Variants in FLNB observed in about 807,000 individuals in gnomAD.
FLNB encodes the protein filamin-B.
FLNB carries 111 observed loss-of-function variants against 250.6 expected under a neutral mutation model. That is an observed-to-expected ratio of 0.44 (90% CI 0.38 to 0.52). FLNB has a LOEUF of 0.52. Among genes scored for constraint, FLNB ranks in the 20% least tolerant of loss-of-function variants. The probability of loss-of-function intolerance (pLI) is 0.00; values close to 1 mark genes in which losing one functional copy is unlikely to be tolerated. For synonymous variants in FLNB, 1,302 were observed against 1,372.1 expected, an observed-to-expected ratio of 0.95 and a Z score of 1.13; for missense variants, 2,869 against 3,447.8, an observed-to-expected ratio of 0.83 and a Z score of 4.20.
chr3:58,129,048 G>A (rs1388194611), intron 24 of FLNB, among the ~76,000 whole-genome samples: 2 of 152,146 alleles, frequency 1.3e-5, no homozygotes, highest in African/African-American at 4.8e-5. Context: ...GGAAACAGTC[G>A]GCTACCTGCC....
chr3:58,112,367 T>C, intron 18 of FLNB, 49 bp downstream of exon 18: 2 of 1,576,050 alleles, frequency 1.3e-6, no homozygotes, highest in Non-Finnish European at 1.7e-6. Flanking sequence ...CAGGCCCCTT[T>C]CTATGCAGTC....
chr3:58,148,947 C>A, intron 36 of FLNB, 95 bp downstream of exon 36: 1 of 1,114,422 alleles, frequency 9.0e-7, no homozygotes, highest in East Asian at 2.4e-5. Flanking sequence ...ACTCCTTTTC[C>A]TTTCTGAGCA....
At chr3:58,153,314 G>A in intron 38 of FLNB, 61 bp from the exon 39 acceptor site, 2 of 1,598,514 alleles carry the variant, frequency 1.3e-6, no homozygotes, top group Non-Finnish European at 1.7e-6. Context: ...TGCATGTCCT[G>A]CCCTGTCTCA....
At chr3:58,170,496 C>CCTTTGG in intron 45 of FLNB, 79 bp from the exon 46 acceptor site, 2 of 1,430,420 alleles carry the variant, frequency 1.4e-6, no homozygotes, top group Non-Finnish European at 2.0e-6. Flanking sequence ...AAGCACCTTA[C>CCTTTGG]CTTTGGCTCT....
chr3:58,124,892 C>T (rs543131156), intron 22 of FLNB, among the ~76,000 whole-genome samples: 54 of 152,274 alleles, frequency 3.5e-4, no homozygotes, highest in African/African-American at 1.3e-3. Context: ...ACCTGGAGAT[C>T]GGAAGCCTGC....
intron 24 of FLNB, among the ~76,000 whole-genome samples, chr3:58,128,645 G>T (rs533356554): frequency 6.6e-6 from 1 of 152,274 alleles, no homozygotes; most frequent in Non-Finnish European, 1.5e-5. Flanking sequence ...CCCAGGAGGG[G>T]TGATGTGGCT....
chr3:58,150,016 ATTCCCCTCCAGGTGGGATGC>A lies in FLNB; in HGVS notation c.6244+17_6244+36del, dbSNP rs1559731192. The A allele has an allele frequency of 6.2e-7, 1 of 1,614,232 alleles. No individual in the cohort carries two copies. On this transcript the variant is annotated intron_variant, in intron 37 of 45. Transcript: ENST00000295956. ...AGCACGTGCCTGGTATGTGCATTCC[ATTCCCCTCCAGGTGGGATGC>A]TTGGGTTTTCTGTAAATGCTGTGCC...
chr3:58,136,738 A>G (rs1226464656), intron 28 of FLNB, among the ~76,000 whole-genome samples: 2 of 135,338 alleles, frequency 1.5e-5, no homozygotes, highest in Admixed American at 7.5e-5. Context: ...TGACTGTCAC[A>G]GGCCATTCTT....
rs1394585811 is a variant in FLNB, at chr3:58,153,528, A to G, written c.6521A>G (p.Gln2174Arg). 3.7e-6 allele frequency: 6 copies of G among 1,614,174 alleles called. No individual in the cohort carries two copies. The highest frequency in any genetic ancestry group is 5.1e-6 in the Non-Finnish European group (6 of 1,180,050). Residue 2174 changes from glutamine to arginine, a missense_variant, in exon 39 of 46, where the codon CAG (glutamine) becomes CGG (arginine). Coordinates refer to ENST00000295956, the MANE Select transcript of FLNB (RefSeq NM_001457.4). The part of the protein sequence containing the change: ...VHTVSVKYRG[Q>R]HVTGSPFQFT... Reference sequence around the variant, plus strand: ...ACGGTCAGCGTCAAGTACCGTGGGCAGCACGTCACCGGCAGCCCCTTCCAG... The same window carrying G: ...ACGGTCAGCGTCAAGTACCGTGGGCGGCACGTCACCGGCAGCCCCTTCCAG...
chr3:58,130,148 G>A (rs950047875), intron 24 of FLNB, among the ~76,000 whole-genome samples: 30 of 152,090 alleles, frequency 2.0e-4, no homozygotes, highest in African/African-American at 7.0e-4. Context: ...GAGGAGTCTG[G>A]GGGACACACA....
intron 19 of FLNB, 87 bp downstream of exon 19, chr3:58,119,076 C>A (rs1291681768): frequency 3.1e-6 from 3 of 982,368 alleles, no homozygotes; most frequent in African/African-American, 1.6e-5. Flanking sequence ...GTGAAATTTG[C>A]AGAGAAGCAA....
rs754733249 is a variant in FLNB, at chr3:58,109,249, C to A, written c.2126C>A (p.Thr709Asn). The change falls in exon 14 of 46, where the codon ACC (threonine) becomes AAC (asparagine). Residue 709 changes from threonine to asparagine, a missense_variant. By Grantham distance (65) the Thr-to-Asn change is moderately conservative. Around this residue, in one of 5 missense-constraint regions of FLNB, gnomAD observed 1,348 missense variants for 1,466.7 expected, o/e 0.92. Transcript: ENST00000295956. ...RMDGTYACSY[T>N]PVKAIKHTIA... is the part of the protein sequence containing the mutation. The stretch of plus-strand genomic sequence containing the variant: ...GACGGCACATATGCATGCTCATACA[C>A]CCCGGTGAAGGCCATCAAGCACACC... The A allele has an allele frequency of 1.2e-6, 2 of 1,614,226 alleles. No individual in the cohort carries two copies. Among genetic ancestry groups the A allele is most frequent in the Admixed American group, 1.7e-5 (1 of 60,028 alleles).
intron 1 of FLNB, among the ~76,000 whole-genome samples, chr3:58,044,799 G>T (rs1461821986): frequency 6.6e-6 from 1 of 152,124 alleles, no homozygotes; most frequent in African/African-American, 2.4e-5. Context: ...TCCAGTGTGG[G>T]CCCTTCCTTC....
rs2097381463 is a variant in FLNB, at chr3:58,170,825, A to G, written c.*63A>G. 1 of 1,478,816 alleles carries G rather than the reference A, an allele frequency of 6.8e-7. No homozygotes were observed. The highest frequency in any genetic ancestry group is 1.2e-5 in the South Asian group (1 of 85,174). 91.6% of individuals were successfully genotyped at this position (1,478,816 alleles called of 1,614,324 possible). A position where few individuals can be genotyped will look rare whatever the true frequency, so the allele number is the denominator to read the frequency against. On this transcript the variant is annotated 3_prime_UTR_variant, in exon 46 of 46. Transcript: ENST00000295956. ...TGCTTTTGTTGCTTGTTTGTAATTC[A>G]TTTTATACAAAGCCCTCCAGCCTGT...
At position 58,020,048 on chromosome 3, in the gene FLNB, G is replaced by GGTGTGTGTGTGTGTGT. The variant is rs373280518; in HGVS notation, c.292+11225_292+11240dup. Among the ~76,000 whole-genome samples, 34 of 136,996 alleles carry GGTGTGTGTGTGTGTGT rather than the reference G, an allele frequency of 2.5e-4. 1 individual carries two copies. The highest frequency in any genetic ancestry group is 5.4e-4 in the African/African-American group (20 of 36,866). The allele number at this position is 136,996 out of a possible 152,430, so 89.9% of individuals were successfully genotyped here. ...ACAGCACACACCATGACACCACAGGGGTGTGTGTGTGTGTGTGTGTGTGTG... is the reference window on the plus strand; with the variant it reads ...ACAGCACACACCATGACACCACAGGGGTGTGTGTGTGTGTGTGTGTGTGTGTGTGTGTGTGTGTGTG... On this transcript the variant is annotated intron_variant, in intron 1 of 45. Coordinates refer to ENST00000295956, the MANE Select transcript of FLNB (RefSeq NM_001457.4).
At position 58,126,590 on chromosome 3, in the gene FLNB, C is replaced by T. The variant is rs774898260; in HGVS notation, c.4062-12C>T. 4.3e-6 allele frequency: 7 copies of T among 1,613,284 alleles called. No homozygotes were observed. In the African/African-American group the frequency reaches 5.3e-5, roughly 12 times the overall value. ...ATGGTGCACATTTCACTTTCTTTTC[C>T]ACTCTTTCCAGAGGCGCAGGAATTG... On this transcript the variant is annotated splice_polypyrimidine_tract_variant and intron_variant, in intron 23 of 45. Coordinates refer to ENST00000295956, the MANE Select transcript of FLNB (RefSeq NM_001457.4).
In FLNB at chr3:58,150,164, A is replaced by T. The variant is rs777589620; in HGVS notation, c.6304A>T (p.Thr2102Ser). The T allele has an allele frequency of 1.2e-6, 2 of 1,614,024 alleles. No homozygotes were observed. The highest frequency in any genetic ancestry group is 3.3e-5 in the Admixed American group (2 of 59,990). Reference sequence around the variant, plus strand: ...AAGAGTCAAAGAGAGCATCACCCGCACCAGTCGGGCCCCGTCCGTGGCCAC... The same window carrying T: ...AAGAGTCAAAGAGAGCATCACCCGCTCCAGTCGGGCCCCGTCCGTGGCCAC... ...EGRVKESITR[T>S]SRAPSVATVG... The change falls in exon 38 of 46, where the codon ACC becomes TCC. Residue 2102 changes from threonine (T) to serine (S), a missense_variant. Thr to Ser is a moderately conservative substitution (Grantham distance 58). Coordinates refer to ENST00000295956, the MANE Select transcript of FLNB (RefSeq NM_001457.4).
chr3:58,168,686 TC>T, intron 44 of FLNB, 28 bp downstream of exon 44: 1 of 1,509,084 alleles, frequency 6.6e-7, no homozygotes, highest in Non-Finnish European at 9.2e-7. Flanking sequence ...TCGGAGTTAC[TC>T]TCCCTTCCTG....
At chr3:58,022,362 G>C (rs2097115364) in intron 1 of FLNB, among the ~76,000 whole-genome samples, 1 of 152,166 alleles carries the variant, frequency 6.6e-6, no homozygotes, top group African/African-American at 2.4e-5. Flanking sequence ...AACTGGGTCT[G>C]GGGTCCCAGT....
Sources: gnomAD v4.1 joint callset for allele counts (sites outside exome capture counted in the v4.1 genomes callset) on GRCh38, gnomAD v4.1.1 for gene constraint, gnomAD v4.1.1 regional missense constraint, MANE v1.5 for transcripts, NCBI Gene and HGNC (gene_info 2026-07-23, HGNC 2026-07-21) for gene names.